Variants in GMPPA observed in about 807,000 individuals in gnomAD.
GMPPA encodes the protein GDP-mannose pyrophosphorylase A, also known as mannose-1-phosphate guanylyltransferase regulatory subunit alpha.
A neutral mutation model predicts 58.6 loss-of-function variants in GMPPA; 46 were observed. The observed-to-expected ratio is 0.78, with a 90% CI of 0.62 to 1.00. The LOEUF (loss-of-function observed/expected upper bound fraction) is 1.00. Among genes scored for constraint, GMPPA ranks in the 50% least tolerant of loss-of-function variants. The pLI, the probability that GMPPA is intolerant of heterozygous loss-of-function variation, is 0.00. For missense variants in GMPPA, 468 were observed against 556.4 expected (o/e 0.84, Z 1.60); for synonymous variants, 211 against 214.9 (o/e 0.98, Z 0.16).
In GMPPA at chr2:219,500,041, G is replaced by A. The variant is rs773657139; in HGVS notation, c.40+26G>A. The A allele has an allele frequency of 1.2e-5, 20 of 1,612,242 alleles. No individual in the cohort carries two copies. The South Asian group carries it at 2.0e-4, about 16-fold the overall frequency. ...GTGAGGTGCCAGGGGAATGGGGGGA[G>A]GAGGTTGGGCTGGAGTGGTAGGCGG... On this transcript the variant is annotated intron_variant, in intron 2 of 12. Transcript: ENST00000313597.
chr2:219,505,420 G>C, intron 8 of GMPPA, 38 bp from the exon 9 acceptor site: 1 of 1,604,586 alleles, frequency 6.2e-7, no homozygotes, highest in Non-Finnish European at 8.5e-7. Context: ...CACAGGCCCT[G>C]CTGACCCCTG....
chr2:219,502,722 A>T lies in GMPPA; in HGVS notation c.489+281A>T, dbSNP rs544955639. 2.6e-4 allele frequency among the ~76,000 whole-genome samples: 39 copies of T among 152,110 alleles called. No homozygotes were observed. Among genetic ancestry groups the T allele is most frequent in the Non-Finnish European group, 5.1e-4 (35 of 68,006 alleles). On this transcript the variant is annotated intron_variant, in intron 6 of 12. Transcript: ENST00000313597. This position sits in a 1 kb window ranked among gnomAD's most constrained non-coding sequence, Gnocchi z 4.0. Reference sequence around the variant, plus strand: ...CCCAGCCTTGCTGGGGTGGGAGTAGAGAGGGCTTCCTGGAGGAAGCAAGGT... The same window carrying T: ...CCCAGCCTTGCTGGGGTGGGAGTAGTGAGGGCTTCCTGGAGGAAGCAAGGT...
Position 219,502,241 on chromosome 2 carries a change from G to T in GMPPA, c.430-141G>T. The T allele has an allele frequency of 1.2e-6, 1 of 856,240 alleles. No individual in the cohort carries two copies. Among genetic ancestry groups the T allele is most frequent in the Non-Finnish European group, 1.9e-6 (1 of 524,188 alleles). 53.0% of individuals were successfully genotyped at this position (856,240 alleles called of 1,614,324 possible). On this transcript the variant is annotated intron_variant, in intron 5 of 12. Transcript: ENST00000313597. This position sits in a 1 kb window ranked among gnomAD's most constrained non-coding sequence, Gnocchi z 4.0. ...TTCAGAAGTAGGGAGGGGGAGGGCA[G>T]CTGTCAGTTTCCACCCTTGCTGAAG...
chr2:219,501,834 C>T lies in GMPPA; in HGVS notation c.243-17C>T, dbSNP rs764193356. 46 of 1,611,816 alleles carry T rather than the reference C, an allele frequency of 2.9e-5. No individual in the cohort carries two copies. The highest frequency in any genetic ancestry group is 3.5e-5 in the Non-Finnish European group (41 of 1,178,362). On this transcript the variant is annotated splice_polypyrimidine_tract_variant and intron_variant, in intron 4 of 12. Coordinates refer to ENST00000313597, the MANE Select transcript of GMPPA (RefSeq NM_013335.4). Reference sequence around the variant, plus strand: ...TCCTAAGATCCACTGAGCTGGCTCTCGGGTCCCTGGGGACAGGTACCTGCA... The same window carrying T: ...TCCTAAGATCCACTGAGCTGGCTCTTGGGTCCCTGGGGACAGGTACCTGCA...
Position 219,502,164 on chromosome 2 carries a change from C to G in GMPPA, c.429+127C>G. 1.0e-6 allele frequency: 1 copy of G among 989,254 alleles called. No homozygotes were observed. Among genetic ancestry groups the G allele is most frequent in the Middle Eastern group, 2.8e-4 (1 of 3,582 alleles). 61.3% of individuals were successfully genotyped at this position (989,254 alleles called of 1,614,324 possible). On this transcript the variant is annotated intron_variant, in intron 5 of 12. Transcript: ENST00000313597. This position sits in a 1 kb window ranked among gnomAD's most constrained non-coding sequence, Gnocchi z 4.0. ...GGGAGCTGGCGTCAGGAGGGAGATG[C>G]GCTGCTCTGGCAGCATGGAGGTGTT...
chr2:219,501,952 C>T lies in GMPPA; in HGVS notation c.344C>T (p.Ala115Val). The T allele has an allele frequency of 6.2e-7, 1 of 1,614,180 alleles. No individual in the cohort carries two copies. Among genetic ancestry groups the T allele is most frequent in the African/African-American group, 1.3e-5 (1 of 75,054 alleles). Residue 115 changes from alanine to valine, a missense_variant, in exon 5 of 13, where the codon GCT becomes GTT. Physicochemically the swap from Ala to Val is moderately conservative, Grantham distance 64. Transcript: ENST00000313597. ...GSPEAFFVLN[A>V]DVCSDFPLSA... ...CCCGAGGCATTCTTCGTGCTCAATG[C>T]TGATGTCTGCTCCGACTTCCCCTTG...
rs776646514 is a variant in GMPPA, at chr2:219,502,148, C to T, written c.429+111C>T. On this transcript the variant is annotated intron_variant, in intron 5 of 12. Coordinates refer to ENST00000313597, the MANE Select transcript of GMPPA (RefSeq NM_013335.4). This position sits in a 1 kb window ranked among gnomAD's most constrained non-coding sequence, Gnocchi z 4.0. Reference sequence around the variant, plus strand: ...CCCCGGGAGTTGGTGTGGGAGCTGGCGTCAGGAGGGAGATGCGCTGCTCTG... The same window carrying T: ...CCCCGGGAGTTGGTGTGGGAGCTGGTGTCAGGAGGGAGATGCGCTGCTCTG... The T allele has an allele frequency of 8.0e-5, 89 of 1,110,446 alleles. No individual in the cohort carries two copies. The highest frequency in any genetic ancestry group is 9.7e-5 in the Non-Finnish European group (73 of 751,064). 68.8% of individuals were successfully genotyped at this position (1,110,446 alleles called of 1,614,324 possible). A position where few individuals can be genotyped will look rare whatever the true frequency, so the allele number is the denominator to read the frequency against.
At chr2:219,503,322 G>A (rs372792360) in intron 6 of GMPPA, among the ~76,000 whole-genome samples, 10 of 151,828 alleles carry the variant, frequency 6.6e-5, no homozygotes, top group Middle Eastern at 3.2e-3. Flanking sequence ...ACAGGCTTTC[G>A]TCATACTGCC....
chr2:219,503,952 G>A, intron 6 of GMPPA, 131 bp from the exon 7 acceptor site: 1 of 902,282 alleles, frequency 1.1e-6, no homozygotes, highest in Non-Finnish European at 1.8e-6. Flanking sequence ...GGATGCGGAT[G>A]CGCACTGCAT....
In GMPPA at chr2:219,504,498, A is replaced by G. The variant is rs9646863; in HGVS notation, c.620+285A>G. 482,701 of 494,610 alleles carry G rather than the reference A, an allele frequency of 0.98. 236,539 individuals carry two copies. Among genetic ancestry groups the G allele is most frequent in the East Asian group, 1 (28,778 of 28,778 alleles). The allele number at this position is 494,610 out of a possible 1,614,324, so 30.6% of individuals were successfully genotyped here. A position where few individuals can be genotyped will look rare whatever the true frequency, so the allele number is the denominator to read the frequency against. ...CCCAGAGACGTCTTTCAGAACAGAC[A>G]GCAACACACAGTTGGGCGCACACAT... is the stretch of plus-strand genomic sequence containing the variant. On this transcript the variant is annotated intron_variant, in intron 7 of 12. Transcript: ENST00000313597.
At chr2:219,503,236 C>T (rs1040173470) in intron 6 of GMPPA, among the ~76,000 whole-genome samples, 1 of 151,916 alleles carries the variant, frequency 6.6e-6, no homozygotes, top group Non-Finnish European at 1.5e-5. Context: ...GGGTTCATGC[C>T]GTTCTCCTGC....
Position 219,501,958 on chromosome 2 carries a change from T to A in GMPPA, c.350T>A (p.Val117Asp), listed in dbSNP as rs1471525254. ...PEAFFVLNADVCSDFPLSAML... is the reference protein window; with the variant it reads ...PEAFFVLNADDCSDFPLSAML... ...GCATTCTTCGTGCTCAATGCTGATG[T>A]CTGCTCCGACTTCCCCTTGAGTGCT... The change falls in exon 5 of 13, where the codon GTC (valine) becomes GAC (aspartate). Residue 117 changes from valine to aspartate, a missense_variant. Val to Asp is a radical substitution (Grantham distance 152). Coordinates refer to ENST00000313597, the MANE Select transcript of GMPPA (RefSeq NM_013335.4). The A allele has an allele frequency of 3.1e-6, 5 of 1,614,174 alleles. No individual in the cohort carries two copies. The highest frequency in any genetic ancestry group is 4.2e-6 in the Non-Finnish European group (5 of 1,180,014).
intron 11 of GMPPA, 38 bp downstream of exon 11, chr2:219,506,110 A>T (rs1315285714): frequency 6.7e-7 from 1 of 1,498,222 alleles, no homozygotes; most frequent in Admixed American, 1.9e-5. Flanking sequence ...TGACACCCCA[A>T]GAGGCTGCGG....
intron 1 of GMPPA, 61 bp downstream of exon 1, chr2:219,498,999 G>C (rs1170943412): frequency 6.6e-6 from 1 of 152,238 alleles, no homozygotes; most frequent in Non-Finnish European, 1.5e-5. Context: ...CCCTCTAGAC[G>C]GAGAGCGGGC....
chr2:219,504,747 G>C, intron 7 of GMPPA: 1 of 484,186 alleles, frequency 2.1e-6, no homozygotes, highest in Non-Finnish European at 2.8e-6. Flanking sequence ...CCGTGTCTCT[G>C]CTTCCCTCTC....
rs763262265 is a variant in GMPPA, at chr2:219,506,741, G to T, written c.1206G>T (p.Ser402=). 1.2e-6 allele frequency: 2 copies of T among 1,608,278 alleles called. No homozygotes were observed. Among genetic ancestry groups the T allele is most frequent in the Non-Finnish European group, 1.7e-6 (2 of 1,174,980 alleles). ...CTGCCGAGGTGCTCATCCTGAACTC[G>T]ATTGTTCTGCCACACAAGGAGCTGA... ...RIPAEVLILN[S]IVLPHKELSR... The change falls in exon 13 of 13, where the codon TCG becomes TCT. Residue 402 remains serine (S), a synonymous_variant. Coordinates refer to ENST00000313597, the MANE Select transcript of GMPPA (RefSeq NM_013335.4).
intron 3 of GMPPA, chr2:219,500,586 G>C (rs1235605034): frequency 1.2e-5 from 3 of 248,914 alleles, no homozygotes; most frequent in Non-Finnish European, 2.4e-5. Flanking sequence ...TTCGTATTGA[G>C]CCAGGCAAGG....
Position 219,502,535 on chromosome 2 carries a change from G to A in GMPPA, c.489+94G>A. The A allele has an allele frequency of 1.1e-6, 1 of 948,056 alleles. No homozygotes were observed. The allele number at this position is 948,056 out of a possible 1,614,324, so 58.7% of individuals were successfully genotyped here. Reference sequence around the variant, plus strand: ...GAGAATGCTGGCACAGTATGGGGTGGGCTCTAGTCTTGTCAGACAGGTGAG... The same window carrying A: ...GAGAATGCTGGCACAGTATGGGGTGAGCTCTAGTCTTGTCAGACAGGTGAG... On this transcript the variant is annotated intron_variant, in intron 6 of 12. Transcript: ENST00000313597. This position sits in a 1 kb window ranked among gnomAD's most constrained non-coding sequence, Gnocchi z 4.0.
chr2:219,505,779 C>A lies in GMPPA; in HGVS notation c.900+18C>A. On this transcript the variant is annotated intron_variant, in intron 10 of 12. Coordinates refer to ENST00000313597, the MANE Select transcript of GMPPA (RefSeq NM_013335.4). ...CGGCTGTGGTGAGCACTGGTCCCAGCCCCAGGGAGGGAAGGGTGGTGGTCG... is the reference window on the plus strand; with the variant it reads ...CGGCTGTGGTGAGCACTGGTCCCAGACCCAGGGAGGGAAGGGTGGTGGTCG... 6.3e-7 allele frequency: 1 copy of A among 1,583,192 alleles called. No individual in the cohort carries two copies. Among genetic ancestry groups the A allele is most frequent in the African/African-American group, 1.3e-5 (1 of 74,512 alleles).
Sources: gnomAD v4.1 joint callset for allele counts (sites outside exome capture counted in the v4.1 genomes callset) on GRCh38, gnomAD v4.1.1 for gene constraint, Gnocchi (gnomAD v3.1) non-coding constraint, MANE v1.5 for transcripts, NCBI Gene and HGNC (gene_info 2026-07-23, HGNC 2026-07-21) for gene names.